Variants in POLDIP3 observed in about 807,000 individuals in gnomAD.
POLDIP3 encodes polymerase delta-interacting protein 3.
A neutral mutation model predicts 45.1 loss-of-function variants in POLDIP3; 14 were observed. The observed-to-expected ratio is 0.31, with a 90% CI of 0.20 to 0.49. POLDIP3 has a LOEUF of 0.49. Ranked by LOEUF, POLDIP3 falls within the 20% of genes least tolerant of loss-of-function variation. The pLI, the probability that POLDIP3 is intolerant of heterozygous loss-of-function variation, is 0.99. For missense variants in POLDIP3, 511 were observed against 538.8 expected (o/e 0.95, Z 0.51); for synonymous variants, 223 against 205.2 (o/e 1.09, Z -0.74).
At chr22:42,589,584 C>T (rs1052787183) in intron 7 of POLDIP3, among the ~76,000 whole-genome samples, 1 of 152,004 alleles carries the variant, frequency 6.6e-6, no homozygotes, top group South Asian at 2.1e-4. Flanking sequence ...CCCAGGTGGA[C>T]GGATCACTTG....
In POLDIP3 at chr22:42,584,988, G is replaced by A. The variant is rs1301868365; in HGVS notation, c.*803C>T. ...CTACACAAAACCAGGGTGTGGTTAA[G>A]TGCCAGGCGAGGTGAGAACCGGGAG... On this transcript the variant is annotated 3_prime_UTR_variant, in exon 9 of 9. Coordinates refer to ENST00000252115, the MANE Select transcript of POLDIP3 (RefSeq NM_032311.5). 1 of 456,328 alleles carries A rather than the reference G, an allele frequency of 2.2e-6. No homozygotes were observed. Among genetic ancestry groups the A allele is most frequent in the Admixed American group, 2.3e-5 (1 of 42,582 alleles). The allele number at this position is 456,328 out of a possible 1,614,324, so 28.3% of individuals were successfully genotyped here.
intron 1 of POLDIP3, among the ~76,000 whole-genome samples, chr22:42,610,946 C>T (rs1330571085): frequency 6.6e-6 from 1 of 152,108 alleles, no homozygotes; most frequent in Non-Finnish European, 1.5e-5. Flanking sequence ...GGCAGGCCAG[C>T]ACTGCAACTG....
chr22:42,589,066 A>G (rs1169377491), intron 7 of POLDIP3, among the ~76,000 whole-genome samples: 1 of 151,680 alleles, frequency 6.6e-6, no homozygotes, highest in Non-Finnish European at 1.5e-5. Flanking sequence ...CATGGCAGAA[A>G]CCCCATTTCT....
intron 1 of POLDIP3, among the ~76,000 whole-genome samples, chr22:42,605,712 A>G (rs1044580095): frequency 2.6e-5 from 4 of 152,168 alleles, no homozygotes; most frequent in African/African-American, 9.7e-5. Flanking sequence ...GGGGGTCGGC[A>G]TGCACGATTA....
intron 1 of POLDIP3, among the ~76,000 whole-genome samples, chr22:42,611,828 G>C (rs1215219339): frequency 6.6e-6 from 1 of 152,198 alleles, no homozygotes; most frequent in African/African-American, 2.4e-5. Context: ...ACTGAGCTGA[G>C]ATCATGCCAT....
chr22:42,606,958 A>G (rs1926767279), intron 1 of POLDIP3, among the ~76,000 whole-genome samples: 1 of 152,188 alleles, frequency 6.6e-6, no homozygotes, highest in Non-Finnish European at 1.5e-5. Context: ...AAGAGTTAAG[A>G]AAAAAACTTC....
chr22:42,599,159 T>C (rs1381535244), intron 4 of POLDIP3, among the ~76,000 whole-genome samples: 1 of 152,218 alleles, frequency 6.6e-6, no homozygotes, highest in East Asian at 1.9e-4. Flanking sequence ...ACACAGCACC[T>C]AGGAGCTGCA....
chr22:42,601,937 A>AT (rs1435099548), intron 3 of POLDIP3, 33 bp downstream of exon 3: 2 of 1,604,200 alleles, frequency 1.2e-6, no homozygotes, highest in African/African-American at 2.7e-5. Context: ...GTACACACAG[A>AT]TTCTCTCTCT....
chr22:42,593,569 G>GTGCA (rs1213450876), intron 6 of POLDIP3, among the ~76,000 whole-genome samples: 4 of 152,314 alleles, frequency 2.6e-5, no homozygotes, highest in African/African-American at 9.6e-5. Context: ...CCAGGCTGGA[G>GTGCA]TGCAATGGCG....
chr22:42,594,503 T>C (rs530476093), intron 6 of POLDIP3, among the ~76,000 whole-genome samples: 5 of 152,058 alleles, frequency 3.3e-5, no homozygotes, highest in African/African-American at 1.2e-4. Flanking sequence ...AGAGTGAGAC[T>C]CCATCTCAAA....
chr22:42,606,430 G>A (rs1427109668), intron 1 of POLDIP3, among the ~76,000 whole-genome samples: 2 of 151,790 alleles, frequency 1.3e-5, no homozygotes, highest in African/African-American at 4.8e-5. Context: ...CAGGAGTTCA[G>A]GACCAGCCTG....
intron 2 of POLDIP3, 81 bp from the exon 3 acceptor site, chr22:42,602,137 C>A: frequency 1.2e-6 from 2 of 1,600,512 alleles, no homozygotes; most frequent in Non-Finnish European, 1.7e-6. Context: ...GAACTTGATA[C>A]ATGGTGGGCA....
chr22:42,596,103 G>A, intron 5 of POLDIP3, 83 bp downstream of exon 5: 1 of 1,452,202 alleles, frequency 6.9e-7, no homozygotes, highest in South Asian at 1.3e-5. Context: ...ACCTCACAAA[G>A]GCGTTGTGGG....
At chr22:42,600,684 CTG>C (rs1926306058) in intron 3 of POLDIP3, among the ~76,000 whole-genome samples, 1 of 151,436 alleles carries the variant, frequency 6.6e-6, no homozygotes, top group South Asian at 2.1e-4. Flanking sequence ...AAAAAACAGA[CTG>C]GGGCTGGGCA....
chr22:42,586,239 T>C (rs1015787718), intron 8 of POLDIP3, among the ~76,000 whole-genome samples: 2 of 152,144 alleles, frequency 1.3e-5, no homozygotes, highest in African/African-American at 4.8e-5. Context: ...AAATTTTTTG[T>C]AGAGACCAGG....
Position 42,614,780 on chromosome 22 carries a change from G to A in POLDIP3, c.59+19C>T, listed in dbSNP as rs527288019. The stretch of plus-strand genomic sequence containing the variant: ...TAGGCCGAGGACCCTAAACCCCGAA[G>A]AAAGGAAAGGCCTCTCACCGTCCTT... On this transcript the variant is annotated intron_variant, in intron 1 of 8. Transcript: ENST00000252115. 2.5e-6 allele frequency: 4 copies of A among 1,613,888 alleles called. No individual in the cohort carries two copies. The highest frequency in any genetic ancestry group is 1.7e-5 in the Admixed American group (1 of 60,026).
chr22:42,587,254 C>CA (rs1925368385), intron 8 of POLDIP3, among the ~76,000 whole-genome samples: 1 of 152,194 alleles, frequency 6.6e-6, no homozygotes, highest in African/African-American at 2.4e-5. Flanking sequence ...CTCCAACTTC[C>CA]ACTCAGATAT....
chr22:42,595,851 G>T (rs1925951808), intron 5 of POLDIP3, among the ~76,000 whole-genome samples: 1 of 152,132 alleles, frequency 6.6e-6, no homozygotes, highest in African/African-American at 2.4e-5. Context: ...CCTCTACCTG[G>T]AAGGCTACTC....
chr22:42,601,836 C>T, intron 3 of POLDIP3, 134 bp downstream of exon 3: 1 of 1,096,256 alleles, frequency 9.1e-7, no homozygotes. Context: ...GCCTCCAATA[C>T]TACCAACTGG....
Sources: gnomAD v4.1 joint callset for allele counts (sites outside exome capture counted in the v4.1 genomes callset) on GRCh38, gnomAD v4.1.1 for gene constraint, MANE v1.5 for transcripts, NCBI Gene and HGNC (gene_info 2026-07-23, HGNC 2026-07-21) for gene names.